Variants in ADAM12 observed in about 807,000 individuals in gnomAD.
ADAM12 encodes the protein ADAM metallopeptidase domain 12, also known as disintegrin and metalloproteinase domain-containing protein 12.
A neutral mutation model predicts 106.4 loss-of-function variants in ADAM12; 70 were observed. The observed-to-expected ratio is 0.66, with a 90% CI of 0.54 to 0.80. The LOEUF (loss-of-function observed/expected upper bound fraction) is 0.80, where lower values mean the gene tolerates loss of function less well. Among genes scored for constraint, ADAM12 ranks in the 30% least tolerant of loss-of-function variants. The probability of loss-of-function intolerance (pLI) is 0.00; values close to 1 mark genes in which losing one functional copy is unlikely to be tolerated. For synonymous variants in ADAM12, 420 were observed against 433.5 expected (o/e 0.97, Z 0.39); for missense variants, 1,010 against 1,171.9 (o/e 0.86, Z 2.02).
chr10:126,140,904 C>A (rs374507553), intron 4 of ADAM12, among the ~76,000 whole-genome samples: 1 of 152,156 alleles, frequency 6.6e-6, no homozygotes, highest in Non-Finnish European at 1.5e-5. Flanking sequence ...GGGGGTGACC[C>A]TCTTAGCCAG....
chr10:126,363,033 C>A (rs1369917958), intron 1 of ADAM12, among the ~76,000 whole-genome samples: 1 of 152,002 alleles, frequency 6.6e-6, no homozygotes, highest in Admixed American at 6.5e-5. Context: ...TAAATCATAA[C>A]ATCAATTTGG....
At chr10:126,335,268 A>T (rs1333440654) in intron 1 of ADAM12, among the ~76,000 whole-genome samples, 1 of 152,248 alleles carries the variant, frequency 6.6e-6, no homozygotes, top group African/African-American at 2.4e-5. Context: ...AGAGAAACTT[A>T]AATATCACAC....
At chr10:126,051,507 A>G (rs1441319453) in intron 14 of ADAM12, among the ~76,000 whole-genome samples, 3 of 143,114 alleles carry the variant, frequency 2.1e-5, no homozygotes, top group African/African-American at 7.8e-5. Flanking sequence ...CCACCCGTCC[A>G]TCCATCCATC....
chr10:126,257,565 T>G (rs1002333698), intron 3 of ADAM12, among the ~76,000 whole-genome samples: 1 of 152,208 alleles, frequency 6.6e-6, no homozygotes, highest in African/African-American at 2.4e-5. Context: ...TTATTGACTC[T>G]TTAAATAAAA....
In ADAM12 at chr10:126,098,519, G is replaced by T; in HGVS notation, c.912-19C>A. On this transcript the variant is annotated intron_variant, in intron 9 of 22. Coordinates refer to ENST00000448723, the MANE Select transcript of ADAM12 (RefSeq NM_001288973.2). ...AACCCCACTAGGAAATAAAAGAGAG[G>T]ACTTTCTTTAATCAAATTAGAACGG... The T allele has an allele frequency of 6.3e-7, 1 of 1,593,204 alleles. No individual in the cohort carries two copies. The highest frequency in any genetic ancestry group is 8.6e-7 in the Non-Finnish European group (1 of 1,161,272).
chr10:126,072,279 C>T (rs1487714558), intron 11 of ADAM12, among the ~76,000 whole-genome samples: 1 of 152,004 alleles, frequency 6.6e-6, no homozygotes, highest in Non-Finnish European at 1.5e-5. Flanking sequence ...CAACCGGGTG[C>T]CTCTAAACAA....
In ADAM12 at chr10:126,332,319, T is replaced by A. The variant is rs369294910; in HGVS notation, c.89-1810A>T. Among the ~76,000 whole-genome samples the A allele has an allele frequency of 2.9e-4, 44 of 152,278 alleles. 1 individual carries two copies. In the South Asian group the frequency reaches 8.3e-3, roughly 29 times the overall value. The stretch of plus-strand genomic sequence containing the variant: ...CCCTCATCTCTTGAACACAGCTTCA[T>A]CCCAGAAGGCTTGCCTCTCTCTCCG... On this transcript the variant is annotated intron_variant, in intron 1 of 22. Transcript: ENST00000448723.
rs535608941 is a variant in ADAM12 at position 126,284,157 on chromosome 10, AC to A, written c.187-5170del. On this transcript the variant is annotated intron_variant, in intron 2 of 22. Coordinates refer to ENST00000448723, the MANE Select transcript of ADAM12 (RefSeq NM_001288973.2). ...AGACCAGCCTGGCCAATATGGTGAAACCCCGTCTCTACTAAAAATACAAAAA... is the reference window on the plus strand; with the variant it reads ...AGACCAGCCTGGCCAATATGGTGAAACCCGTCTCTACTAAAAATACAAAAA... Among the ~76,000 whole-genome samples the A allele has an allele frequency of 9.2e-5, 14 of 151,950 alleles. No individual in the cohort carries two copies. In the South Asian group the frequency reaches 2.7e-3, roughly 29 times the overall value.
chr10:126,337,822 T>G (rs1268552069), intron 1 of ADAM12, among the ~76,000 whole-genome samples: 1 of 152,242 alleles, frequency 6.6e-6, no homozygotes, highest in Non-Finnish European at 1.5e-5. Context: ...GCTGGCTTTC[T>G]TTGAGTGCTG....
At chr10:126,244,336 G>A (rs953313760) in intron 3 of ADAM12, among the ~76,000 whole-genome samples, 4 of 152,190 alleles carry the variant, frequency 2.6e-5, no homozygotes, top group African/African-American at 4.8e-5. Context: ...GTGCACTGCC[G>A]GTATTTGAAG....
intron 2 of ADAM12, among the ~76,000 whole-genome samples, chr10:126,325,517 C>T (rs1854269758): frequency 6.6e-6 from 1 of 152,218 alleles, no homozygotes; most frequent in Non-Finnish European, 1.5e-5. Context: ...TAATTAGCTG[C>T]TATTTGATAT....
chr10:126,017,207 CA>C lies in ADAM12; in HGVS notation c.*71del. ...TTAAAAAAAATCCTAAAAGTTGGTA[CA>C]AAAAACTCCAACTGGAGCTGAAAGA... On this transcript the variant is annotated 3_prime_UTR_variant, in exon 23 of 23. Transcript: ENST00000448723. 1 of 1,391,544 alleles carries C rather than the reference CA, an allele frequency of 7.2e-7. No homozygotes were observed. The allele number at this position is 1,391,544 out of a possible 1,614,324, so 86.2% of individuals were successfully genotyped here.
intron 10 of ADAM12, among the ~76,000 whole-genome samples, chr10:126,097,849 A>G (rs1383393260): frequency 6.6e-6 from 1 of 152,230 alleles, no homozygotes; most frequent in Non-Finnish European, 1.5e-5. Flanking sequence ...AAACATATAT[A>G]GCTTATATAT....
intron 20 of ADAM12, among the ~76,000 whole-genome samples, chr10:126,036,531 C>A (rs896937071): frequency 6.6e-6 from 1 of 152,112 alleles, no homozygotes; most frequent in African/African-American, 2.4e-5. Context: ...CTGCCTCCAC[C>A]CCACCAAATC....
chr10:126,108,625 G>A lies in ADAM12; in HGVS notation c.709C>T (p.Arg237Ter), dbSNP rs140163127. 4 of 1,613,952 alleles carry A rather than the reference G, an allele frequency of 2.5e-6. No individual in the cohort carries two copies. Among genetic ancestry groups the A allele is most frequent in the Middle Eastern group, 1.6e-4 (1 of 6,062 alleles). ...QGKDLEKVKQ[R>*]LIEIANHVDK... The stretch of plus-strand genomic sequence containing the variant: ...ACGTGATTAGCAATCTCTATTAATC[G>A]CTGCTTAACTTTTTCCAGATCTTTT... The change falls in exon 8 of 23, where the codon CGA (arginine) becomes TGA (stop). Residue 237 changes from arginine to a stop codon, truncating the protein, a stop_gained. Transcript: ENST00000448723. LOFTEE classifies it high-confidence loss of function.
chr10:126,362,054 C>A (rs1307690848), intron 1 of ADAM12, among the ~76,000 whole-genome samples: 6 of 151,888 alleles, frequency 4.0e-5, no homozygotes, highest in Admixed American at 2.0e-4. Flanking sequence ...AGTTAATATC[C>A]AAAATATATA....
At chr10:126,035,861 C>T (rs1954050302) in intron 21 of ADAM12, among the ~76,000 whole-genome samples, 1 of 152,120 alleles carries the variant, frequency 6.6e-6, no homozygotes, top group South Asian at 2.1e-4. Flanking sequence ...AGTCCCTCTG[C>T]TATTCTCAAT....
chr10:126,232,588 C>T (rs1958333626), intron 3 of ADAM12, among the ~76,000 whole-genome samples: 1 of 152,224 alleles, frequency 6.6e-6, no homozygotes, highest in South Asian at 2.1e-4. Flanking sequence ...AATCTGCTCT[C>T]TCTTTGTTCT....
chr10:126,321,491 G>T (rs1201920459), intron 2 of ADAM12, among the ~76,000 whole-genome samples: 1 of 152,140 alleles, frequency 6.6e-6, no homozygotes, highest in Non-Finnish European at 1.5e-5. Context: ...GCCCTTCCTT[G>T]GTTGAATGAG....
Sources: allele counts gnomAD v4.1 joint callset (sites outside exome capture counted in the v4.1 genomes callset), GRCh38; gene constraint gnomAD v4.1.1; transcripts MANE v1.5; gene names NCBI Gene and HGNC (gene_info 2026-07-23, HGNC 2026-07-21).